USP34: variants seen among roughly 807,000 people sequenced by gnomAD.
USP34 encodes the protein ubiquitin specific peptidase 34.
In USP34, 70 loss-of-function variants were observed where a neutral mutation model predicts 460.3. That is an observed-to-expected ratio of 0.15 (90% CI 0.13 to 0.19). The LOEUF (loss-of-function observed/expected upper bound fraction) is 0.19, where lower values mean the gene tolerates loss of function less well. USP34 is among the 10% of genes least tolerant of loss of function. USP34 has a pLI of 1.00. For synonymous variants in USP34, 1,647 were observed against 1,405.3 expected (o/e 1.17, Z -3.85); for missense variants, 3,985 against 4,236.2 (o/e 0.94, Z 1.65).
chr2:61,246,592 TA>T, intron 49 of USP34, 115 bp from the exon 50 acceptor site: 2 of 757,934 alleles, frequency 2.6e-6, no homozygotes, highest in Non-Finnish European at 1.8e-6. Flanking sequence ...TTTAATAAAA[TA>T]AAAATAATTT....
At chr2:61,463,208 A>AC (rs1695658725) in intron 1 of USP34, among the ~76,000 whole-genome samples, 1 of 151,554 alleles carries the variant, frequency 6.6e-6, no homozygotes, top group Non-Finnish European at 1.5e-5. Context: ...GGTACAGCAT[A>AC]CCCCAACACT....
chr2:61,284,614 G>C (rs1317989530), intron 35 of USP34, among the ~76,000 whole-genome samples: 1 of 152,092 alleles, frequency 6.6e-6, no homozygotes, highest in Non-Finnish European at 1.5e-5. Context: ...ACAAAGTACT[G>C]GTGAACAGTC....
intron 28 of USP34, 23 bp downstream of exon 28, chr2:61,301,331 C>A: frequency 2.5e-6 from 4 of 1,606,938 alleles, no homozygotes; most frequent in Non-Finnish European, 3.4e-6. Flanking sequence ...CATTAAAACT[C>A]AAACCACGTT....
intron 48 of USP34, among the ~76,000 whole-genome samples, chr2:61,255,174 A>T (rs939707300): frequency 2.0e-5 from 3 of 152,210 alleles, no homozygotes; most frequent in African/African-American, 7.2e-5. Context: ...TTTCCAAGAA[A>T]TTCTACTGAA....
At chr2:61,201,022 T>TG (rs1371569674) in intron 75 of USP34, among the ~76,000 whole-genome samples, 2 of 152,090 alleles carry the variant, frequency 1.3e-5, no homozygotes, top group Non-Finnish European at 2.9e-5. Flanking sequence ...GCTCAATTTG[T>TG]GGAGGTTTTG....
In USP34 at chr2:61,220,146, T is replaced by C. The variant is rs1318351050; in HGVS notation, c.8047+164A>G. The C allele has an allele frequency of 8.4e-6, 4 of 476,752 alleles. 1 individual carries two copies. In the African/African-American group the frequency reaches 1.4e-4, roughly 17 times the overall value. The allele number at this position is 476,752 out of a possible 1,614,324, so 29.5% of individuals were successfully genotyped here. ...TTACCCAAGAAATAACATGGTTTCC[T>C]ATCCTAAAAAAAAAAAAAAAAAAAA... On this transcript the variant is annotated intron_variant, in intron 67 of 79. Coordinates refer to ENST00000398571, the MANE Select transcript of USP34 (RefSeq NM_014709.4).
intron 25 of USP34, 146 bp downstream of exon 25, chr2:61,314,439 T>G: frequency 3.0e-6 from 2 of 659,130 alleles, no homozygotes; most frequent in Non-Finnish European, 4.5e-6. Context: ...TAATAAAAAT[T>G]ACTTATGTTA....
At chr2:61,277,202 T>C (rs1689397069) in intron 41 of USP34, among the ~76,000 whole-genome samples, 1 of 151,938 alleles carries the variant, frequency 6.6e-6, no homozygotes, top group Non-Finnish European at 1.5e-5. Context: ...AAATATACAA[T>C]TCTATAGAAA....
At chr2:61,223,454 T>G (rs1228308541) in intron 62 of USP34, 158 bp from the exon 63 acceptor site, 3 of 698,438 alleles carry the variant, frequency 4.3e-6, no homozygotes, top group Non-Finnish European at 7.0e-6. Flanking sequence ...CTAAATGTCT[T>G]TTGGGCAACT....
intron 67 of USP34, among the ~76,000 whole-genome samples, chr2:61,218,219 C>T (rs1361882449): frequency 1.3e-5 from 2 of 149,010 alleles, no homozygotes; most frequent in Non-Finnish European, 3.0e-5. Context: ...TGCCAACTGG[C>T]ACACATCTCT....
intron 10 of USP34, among the ~76,000 whole-genome samples, chr2:61,361,137 G>T (rs1342800856): frequency 6.6e-6 from 1 of 152,206 alleles, no homozygotes; most frequent in Non-Finnish European, 1.5e-5. Context: ...TGAGCCAGGT[G>T]CAGTGGCTCA....
chr2:61,455,498 G>A (rs1695411867), intron 1 of USP34, among the ~76,000 whole-genome samples: 1 of 152,044 alleles, frequency 6.6e-6, no homozygotes, highest in South Asian at 2.1e-4. Context: ...AGATAGCCAG[G>A]TGCAGTGGTG....
intron 1 of USP34, among the ~76,000 whole-genome samples, chr2:61,428,735 G>A (rs981064057): frequency 1.3e-5 from 2 of 152,208 alleles, no homozygotes; most frequent in Non-Finnish European, 2.9e-5. Flanking sequence ...AAAAGAAAGA[G>A]GGGAACCTAG....
intron 3 of USP34, among the ~76,000 whole-genome samples, chr2:61,403,136 T>A (rs1006239514): frequency 4.6e-5 from 7 of 152,156 alleles, no homozygotes; most frequent in Non-Finnish European, 8.8e-5. Context: ...TTTGTCAGAA[T>A]TTTCCTCGAA....
At chr2:61,227,682 G>C (rs549940887) in intron 61 of USP34, among the ~76,000 whole-genome samples, 1 of 152,004 alleles carries the variant, frequency 6.6e-6, no homozygotes, top group African/African-American at 2.4e-5. Flanking sequence ...CTGCACTCCA[G>C]CCTGGGAGAC....
rs796238065 is a variant in USP34 at position 61,362,202 on chromosome 2, T to C, written c.1251+8119A>G. On this transcript the variant is annotated intron_variant, in intron 10 of 79. Coordinates refer to ENST00000398571, the MANE Select transcript of USP34 (RefSeq NM_014709.4). Reference sequence around the variant, plus strand: ...GAGAAATGGGAATCCTTATACACTGTTGGTGGGAATGAAAACTGGTACAGT... The same window carrying C: ...GAGAAATGGGAATCCTTATACACTGCTGGTGGGAATGAAAACTGGTACAGT... Among the ~76,000 whole-genome samples, 11 of 152,282 alleles carry C rather than the reference T, an allele frequency of 7.2e-5. 1 individual carries two copies. Among genetic ancestry groups the C allele is most frequent in the African/African-American group, 2.2e-4 (9 of 41,570 alleles).
chr2:61,305,110 G>A (rs1690361862), intron 27 of USP34, among the ~76,000 whole-genome samples: 1 of 152,162 alleles, frequency 6.6e-6, no homozygotes, highest in Admixed American at 6.5e-5. Flanking sequence ...CCGATCATGA[G>A]GTCAGGAGCT....
At chr2:61,277,544 AC>A (rs1558505642) in intron 41 of USP34, among the ~76,000 whole-genome samples, 2 of 152,130 alleles carry the variant, frequency 1.3e-5, no homozygotes, top group Admixed American at 6.5e-5. Context: ...GCCTTAGGTT[AC>A]CTTTCTATAT....
At chr2:61,280,395 A>G (rs764537880) in intron 38 of USP34, 47 bp from the exon 39 acceptor site, 4 of 939,838 alleles carry the variant, frequency 4.3e-6, no homozygotes, top group Admixed American at 3.5e-5. Context: ...AAAAATAAAT[A>G]AAATTATAAT....
Sources: gnomAD v4.1 joint callset for allele counts (sites outside exome capture counted in the v4.1 genomes callset) on GRCh38, gnomAD v4.1.1 for gene constraint, MANE v1.5 for transcripts, NCBI Gene and HGNC (gene_info 2026-07-23, HGNC 2026-07-21) for gene names.